The following RXFP2 variants were observed in gnomAD, a reference collection of about 807,000 sequenced individuals.
RXFP2 encodes the protein relaxin family peptide receptor 2.
In RXFP2, 68 loss-of-function variants were observed where a neutral mutation model predicts 88.6. The observed-to-expected ratio is 0.77, with a 90% CI of 0.63 to 0.94. The LOEUF (loss-of-function observed/expected upper bound fraction) is 0.94, where lower values mean the gene tolerates loss of function less well. Ranked by LOEUF, RXFP2 falls within the 40% of genes least tolerant of loss-of-function variation. RXFP2 has a pLI of 0.00. For missense variants in RXFP2, 791 were observed against 893.9 expected (o/e 0.88, Z 1.47); for synonymous variants, 329 against 306.8 (o/e 1.07, Z -0.76).
chr13:31,767,858 T>C (rs912168784), intron 5 of RXFP2, among the ~76,000 whole-genome samples: 2 of 152,120 alleles, frequency 1.3e-5, no homozygotes, highest in Admixed American at 6.5e-5. Flanking sequence ...TAGAATTCCC[T>C]TGTATATGTT....
chr13:31,758,340 A>G lies in RXFP2; in HGVS notation c.177A>G (p.Leu59=). 5.0e-6 allele frequency: 8 copies of G among 1,614,112 alleles called. No individual in the cohort carries two copies. Among genetic ancestry groups the G allele is most frequent in the Non-Finnish European group, 6.8e-6 (8 of 1,179,996 alleles). Residue 59 remains leucine (L), a synonymous_variant, in exon 2 of 18, where the codon TTA becomes TTG. Coordinates refer to ENST00000298386, the MANE Select transcript of RXFP2 (RefSeq NM_130806.5). The part of the protein sequence containing the change: ...YFPCGNLTKC[L]PRAFHCDGKD... ...CCTGTGGGAATCTTACCAAGTGCTT[A>G]CCCCGAGCTTTTCACTGTGATGGCA...
chr13:31,743,437 C>T (rs547360660), intron 1 of RXFP2, among the ~76,000 whole-genome samples: 29 of 151,854 alleles, frequency 1.9e-4, no homozygotes, highest in African/African-American at 6.5e-4. Flanking sequence ...CACTGTACTC[C>T]AGCCTGGGCG....
intron 5 of RXFP2, among the ~76,000 whole-genome samples, chr13:31,773,268 G>A (rs938914383): frequency 1.3e-5 from 2 of 152,196 alleles, no homozygotes; most frequent in Non-Finnish European, 2.9e-5. Context: ...AGTTTACTTT[G>A]CAGGATTGAA....
intron 17 of RXFP2, among the ~76,000 whole-genome samples, chr13:31,798,268 A>G (rs1208844240): frequency 6.6e-6 from 1 of 152,220 alleles, no homozygotes; most frequent in African/African-American, 2.4e-5. Context: ...TTGTGAGGCT[A>G]TGTCAAATAT....
At chr13:31,793,255 A>T (rs1325104092) in intron 16 of RXFP2, among the ~76,000 whole-genome samples, 167 bp downstream of exon 16, 1 of 152,148 alleles carries the variant, frequency 6.6e-6, no homozygotes, top group Admixed American at 6.5e-5. Context: ...AAGTTTTATT[A>T]AACTTTTTAT....
At chr13:31,761,032 G>A (rs1872278516) in intron 2 of RXFP2, among the ~76,000 whole-genome samples, 1 of 152,070 alleles carries the variant, frequency 6.6e-6, no homozygotes, top group Admixed American at 6.6e-5. Context: ...ATGGTTCACT[G>A]CAGCTGTGAC....
chr13:31,744,895 G>A (rs776150681), intron 1 of RXFP2, among the ~76,000 whole-genome samples: 7 of 152,072 alleles, frequency 4.6e-5, no homozygotes, highest in African/African-American at 1.2e-4. Context: ...TCAGCTGGGC[G>A]TGGTGACTCA....
intron 1 of RXFP2, among the ~76,000 whole-genome samples, chr13:31,752,798 C>A (rs576745656): frequency 6.6e-6 from 1 of 152,178 alleles, no homozygotes; most frequent in Non-Finnish European, 1.5e-5. Flanking sequence ...GCTGCTGCCC[C>A]CCTCAGAGAT....
At chr13:31,792,569 A>G (rs1873846071) in intron 15 of RXFP2, 109 bp from the exon 16 acceptor site, 6 of 1,054,602 alleles carry the variant, frequency 5.7e-6, no homozygotes, top group Non-Finnish European at 1.5e-6. Flanking sequence ...ATAAGATGAA[A>G]GGAACTAGAT....
At chr13:31,774,217 A>AT (rs1164262417) in intron 5 of RXFP2, among the ~76,000 whole-genome samples, 1 of 152,220 alleles carries the variant, frequency 6.6e-6, no homozygotes, top group Non-Finnish European at 1.5e-5. Context: ...TAGAATAAGG[A>AT]TAAATGAGGA....
At chr13:31,768,673 A>G (rs1454734739) in intron 5 of RXFP2, among the ~76,000 whole-genome samples, 1 of 152,172 alleles carries the variant, frequency 6.6e-6, no homozygotes, top group African/African-American at 2.4e-5. Flanking sequence ...TTGATTTGAA[A>G]ATAACTCAAG....
chr13:31,745,748 A>G (rs181462788), intron 1 of RXFP2, among the ~76,000 whole-genome samples: 105 of 152,320 alleles, frequency 6.9e-4, no homozygotes, highest in Non-Finnish European at 1.3e-3. Context: ...TGTCTGTGGA[A>G]GAGTATGATG....
At chr13:31,748,741 C>T (rs1871531372) in intron 1 of RXFP2, among the ~76,000 whole-genome samples, 1 of 152,180 alleles carries the variant, frequency 6.6e-6, no homozygotes, top group African/African-American at 2.4e-5. Flanking sequence ...AATCCCAGCA[C>T]TTTGGGAGGC....
chr13:31,785,483 C>T (rs1312633524), intron 11 of RXFP2, among the ~76,000 whole-genome samples: 1 of 151,790 alleles, frequency 6.6e-6, no homozygotes, highest in Non-Finnish European at 1.5e-5. Flanking sequence ...TGTCCCAGGC[C>T]AAGACTGATG....
chr13:31,753,095 G>A (rs1362783653), intron 1 of RXFP2, among the ~76,000 whole-genome samples: 1 of 152,150 alleles, frequency 6.6e-6, no homozygotes, highest in Non-Finnish European at 1.5e-5. Context: ...TGGAGCCATC[G>A]CCCCTGGTGT....
Position 31,774,654 on chromosome 13 carries a change from A to T in RXFP2, c.532A>T (p.Arg178Trp). 6.4e-7 allele frequency: 1 copy of T among 1,562,878 alleles called. No individual in the cohort carries two copies. Among genetic ancestry groups the T allele is most frequent in the Non-Finnish European group, 8.8e-7 (1 of 1,133,484 alleles). ...GCATAATTGCATTAGACACATATCC[A>T]GGAAAGCATTTTTTGGATTATGTAA... is the stretch of plus-strand genomic sequence containing the variant. The part of the protein sequence containing the change: ...LQHNCIRHIS[R>W]KAFFGLCNLQ... The change falls in exon 6 of 18, where the codon AGG becomes TGG. Residue 178 changes from arginine to tryptophan, a missense_variant. Arg to Trp is a moderately radical substitution (Grantham distance 101). Transcript: ENST00000298386.
At chr13:31,775,778 G>C (rs961330121) in intron 7 of RXFP2, among the ~76,000 whole-genome samples, 3 of 152,244 alleles carry the variant, frequency 2.0e-5, no homozygotes, top group Admixed American at 2.0e-4. Context: ...AGCATTCAGA[G>C]AGAAGTCTGA....
At chr13:31,760,070 G>T (rs1255028880) in intron 2 of RXFP2, among the ~76,000 whole-genome samples, 1 of 147,682 alleles carries the variant, frequency 6.8e-6, no homozygotes, top group Non-Finnish European at 1.5e-5. Flanking sequence ...TTTCAGTGTT[G>T]TTGTTGTTTG....
chr13:31,759,409 GAAAGAAAGAAAGAAAGAAAGAAAGAAA>G (rs1872168348), intron 2 of RXFP2, among the ~76,000 whole-genome samples: 4 of 149,772 alleles, frequency 2.7e-5, no homozygotes, highest in Non-Finnish European at 5.9e-5. Context: ...AAGAAAGAAA[GAAAGAAAGAAAGAAAGAAAGAAAGAAA>G]GAAAGAAAGA....
Sources: allele counts gnomAD v4.1 joint callset (sites outside exome capture counted in the v4.1 genomes callset), GRCh38; gene constraint gnomAD v4.1.1; transcripts MANE v1.5; gene names NCBI Gene and HGNC (gene_info 2026-07-23, HGNC 2026-07-21).